The following KALRN variants were observed in gnomAD, a reference collection of about 807,000 sequenced individuals.
KALRN encodes kalirin RhoGEF kinase, also known as kalirin.
Under a neutral mutation model 353.7 loss-of-function variants are expected in KALRN, and 70 were observed. The observed-to-expected ratio is 0.20, with a 90% CI of 0.16 to 0.24. The LOEUF (loss-of-function observed/expected upper bound fraction) is 0.24. Among genes scored for constraint, KALRN ranks in the 10% least tolerant of loss-of-function variants. KALRN has a pLI of 1.00. For synonymous variants in KALRN, 1,391 were observed against 1,434.8 expected, an observed-to-expected ratio of 0.97 and a Z score of 0.69; for missense variants, 2,791 against 3,756.7, an observed-to-expected ratio of 0.74 and a Z score of 6.72.
At chr3:124,054,357 T>TTAAATAAAAATAAAAATAAAAA (rs2041322700) in intron 1 of KALRN, among the ~76,000 whole-genome samples, 1 of 136,912 alleles carries the variant, frequency 7.3e-6, no homozygotes, top group Non-Finnish European at 1.5e-5. Flanking sequence ...ACCCCATCAC[T>TTAAATAAAAATAAAAATAAAAA]TAAAAATAAA....
chr3:124,186,688 A>C (rs759612909), intron 1 of KALRN, among the ~76,000 whole-genome samples: 11 of 152,144 alleles, frequency 7.2e-5, no homozygotes, highest in Admixed American at 2.0e-4. Context: ...GCCAATAAAC[A>C]TGTTCCTCTT....
At chr3:124,558,198 A>G (rs1276159214) in intron 33 of KALRN, among the ~76,000 whole-genome samples, 1 of 152,202 alleles carries the variant, frequency 6.6e-6, no homozygotes, top group South Asian at 2.1e-4. Flanking sequence ...ACCAAACAAC[A>G]TGCCATCAAA....
At chr3:124,290,979 T>C (rs937722459) in intron 5 of KALRN, among the ~76,000 whole-genome samples, 1 of 152,216 alleles carries the variant, frequency 6.6e-6, no homozygotes, top group Non-Finnish European at 1.5e-5. Context: ...GCACAACACC[T>C]ACCAGGGAGT....
chr3:124,696,860 C>G (rs1450480530), intron 54 of KALRN, among the ~76,000 whole-genome samples: 2 of 152,340 alleles, frequency 1.3e-5, no homozygotes, highest in East Asian at 3.9e-4. Context: ...CCCATTCCCT[C>G]CTCCCCAGTG....
At chr3:124,417,637 T>G (rs1004783413) in intron 14 of KALRN, among the ~76,000 whole-genome samples, 5 of 152,240 alleles carry the variant, frequency 3.3e-5, no homozygotes, top group African/African-American at 1.2e-4. Flanking sequence ...TGAGGATCAC[T>G]CTTCTCCTTG....
At position 124,335,916 on chromosome 3, in the gene KALRN, T is replaced by C. The variant is rs3755657; in HGVS notation, c.1647+1421T>C. 0.014 allele frequency among the ~76,000 whole-genome samples: 2,114 copies of C among 152,254 alleles called. 89 individuals carry two copies. In the East Asian group the frequency reaches 0.15, roughly 11 times the overall value. ...AGTGTAGTGAAATACACATGGAAAA[T>C]TGAGAGCCAACTGTACATGTCTTTG... is the stretch of plus-strand genomic sequence containing the variant. On this transcript the variant is annotated intron_variant, in intron 9 of 59. Transcript: ENST00000682506.
chr3:124,666,040 C>T (rs1201245236), intron 45 of KALRN, among the ~76,000 whole-genome samples: 3 of 152,142 alleles, frequency 2.0e-5, no homozygotes, highest in Non-Finnish European at 2.9e-5. Context: ...TGCAAAGGAA[C>T]CAGGCAGGCA....
chr3:124,359,421 A>G (rs1363601371), intron 10 of KALRN, among the ~76,000 whole-genome samples: 1 of 152,220 alleles, frequency 6.6e-6, no homozygotes, highest in Non-Finnish European at 1.5e-5. Context: ...AAATTAAGCT[A>G]TCACTAATGA....
chr3:124,594,627 G>C (rs1215845357), intron 34 of KALRN, among the ~76,000 whole-genome samples: 1 of 152,186 alleles, frequency 6.6e-6, no homozygotes, highest in Non-Finnish European at 1.5e-5. Context: ...AGTTCGGTGG[G>C]AAGATCCTGG....
intron 1 of KALRN, among the ~76,000 whole-genome samples, chr3:124,140,179 C>G (rs137877369): frequency 2.4e-4 from 36 of 152,292 alleles, no homozygotes; most frequent in Admixed American, 9.8e-4. Flanking sequence ...GATTCCACCT[C>G]CAGAATGCCC....
At chr3:124,372,378 C>A (rs997247031) in intron 10 of KALRN, among the ~76,000 whole-genome samples, 1 of 152,038 alleles carries the variant, frequency 6.6e-6, no homozygotes, top group African/African-American at 2.4e-5. Flanking sequence ...CCATTTAGCA[C>A]AGCAGAATAC....
At chr3:124,571,685 AT>A (rs914270856) in intron 34 of KALRN, among the ~76,000 whole-genome samples, 3 of 151,172 alleles carry the variant, frequency 2.0e-5, no homozygotes, top group Non-Finnish European at 4.4e-5. Context: ...TGTTTATTTT[AT>A]TTTTTTTCTA....
chr3:124,503,879 T>C (rs920635958), intron 33 of KALRN, among the ~76,000 whole-genome samples: 63 of 152,314 alleles, frequency 4.1e-4, no homozygotes, highest in African/African-American at 1.5e-3. Flanking sequence ...GGGCAAAATA[T>C]TTCATATCAG....
At chr3:124,681,198 C>G (rs1024933406) in intron 51 of KALRN, among the ~76,000 whole-genome samples, 1 of 152,164 alleles carries the variant, frequency 6.6e-6, no homozygotes, top group African/African-American at 2.4e-5. Context: ...GCCAGGGGAG[C>G]AGCACACATT....
intron 6 of KALRN, among the ~76,000 whole-genome samples, chr3:124,311,748 T>C (rs2078289988): frequency 6.6e-6 from 1 of 152,218 alleles, no homozygotes; most frequent in South Asian, 2.1e-4. Flanking sequence ...ACTACCCAAG[T>C]TTCCATAAAC....
chr3:124,289,888 A>T (rs1322835990), intron 5 of KALRN, among the ~76,000 whole-genome samples: 1 of 152,166 alleles, frequency 6.6e-6, no homozygotes, highest in African/African-American at 2.4e-5. Context: ...ATTGTTGTTG[A>T]AGTTGTGGGC....
intron 3 of KALRN, among the ~76,000 whole-genome samples, chr3:124,249,443 A>G (rs2070805621): frequency 1.3e-5 from 2 of 152,230 alleles, no homozygotes; most frequent in Admixed American, 6.5e-5. Context: ...AAAGGCAGGA[A>G]GAAGCTGTAG....
intron 6 of KALRN, among the ~76,000 whole-genome samples, chr3:124,323,657 G>A (rs2149387456): frequency 6.6e-6 from 1 of 152,314 alleles, no homozygotes; most frequent in Middle Eastern, 3.4e-3. Context: ...GGTGTCTATA[G>A]GGTATATCTG....
At chr3:124,564,687 G>A (rs2072578507) in intron 34 of KALRN, among the ~76,000 whole-genome samples, 1 of 152,134 alleles carries the variant, frequency 6.6e-6, no homozygotes, top group African/African-American at 2.4e-5. Context: ...CTCAAAAAGT[G>A]TTTTTAAATT....
Sources: gnomAD v4.1 joint callset for allele counts (sites outside exome capture counted in the v4.1 genomes callset) on GRCh38, gnomAD v4.1.1 for gene constraint, MANE v1.5 for transcripts, NCBI Gene and HGNC (gene_info 2026-07-23, HGNC 2026-07-21) for gene names.